The following RARB variants were observed in gnomAD, a reference collection of about 807,000 sequenced individuals.
RARB encodes the protein HBV-activated protein.
Under a neutral mutation model 51.9 loss-of-function variants are expected in RARB, and 17 were observed. The ratio of observed to expected loss-of-function variants is 0.33; its 90% CI spans 0.22 to 0.49. RARB has a LOEUF of 0.49. Among genes scored for constraint, RARB ranks in the 20% least tolerant of loss-of-function variants. The pLI is 0.99. For missense variants in RARB, 369 were observed against 550.8 expected, an observed-to-expected ratio of 0.67 and a Z score of 3.30; for synonymous variants, 215 against 195.4, an observed-to-expected ratio of 1.10 and a Z score of -0.84.
At chr3:25,449,228 C>T (rs921254974) in intron 1 of RARB, among the ~76,000 whole-genome samples, 3 of 152,010 alleles carry the variant, frequency 2.0e-5, no homozygotes, top group Non-Finnish European at 4.4e-5. Context: ...CCTTTGGAAT[C>T]TTGGTCTTAG....
chr3:25,214,541 G>C (rs1469774594), intron 5 of RARB, among the ~76,000 whole-genome samples: 1 of 152,300 alleles, frequency 6.6e-6, no homozygotes, highest in East Asian at 1.9e-4. Flanking sequence ...GTATAAGTCT[G>C]TATTTTTCAC....
chr3:25,405,929 C>T (rs79113274), intron 5 of RARB, among the ~76,000 whole-genome samples: 3,220 of 149,510 alleles, frequency 0.022, 64 homozygotes, highest in Non-Finnish European at 0.031. Context: ...TCCAGAGGGA[C>T]GGCATGAGCC....
At chr3:25,553,574 C>T (rs1164264785) in intron 3 of RARB, among the ~76,000 whole-genome samples, 1 of 152,172 alleles carries the variant, frequency 6.6e-6, no homozygotes, top group Non-Finnish European at 1.5e-5. Flanking sequence ...AGTGTTGCTT[C>T]CTAAGAATGT....
chr3:25,074,767 A>C (rs1156841323), intron 3 of RARB, among the ~76,000 whole-genome samples: 1 of 152,304 alleles, frequency 6.6e-6, no homozygotes, highest in Admixed American at 6.5e-5. Flanking sequence ...TGTGATTCCT[A>C]CCAGCCTCAC....
chr3:25,062,757 G>T (rs549981985), intron 3 of RARB, among the ~76,000 whole-genome samples: 1 of 151,880 alleles, frequency 6.6e-6, no homozygotes, highest in African/African-American at 2.4e-5. Flanking sequence ...CCTATGTTTG[G>T]GGCCAGTAGA....
At chr3:25,098,327 T>C (rs1699339162) in intron 3 of RARB, among the ~76,000 whole-genome samples, 1 of 151,088 alleles carries the variant, frequency 6.6e-6, no homozygotes, top group South Asian at 2.1e-4. Flanking sequence ...CATCCCTTAA[T>C]CATAGCTAGT....
chr3:25,276,578 C>A (rs1281953158), intron 5 of RARB, among the ~76,000 whole-genome samples: 1 of 152,128 alleles, frequency 6.6e-6, no homozygotes, highest in Non-Finnish European at 1.5e-5. Flanking sequence ...AATTCTCAGA[C>A]CATCAACTGT....
rs112806239 is a variant in RARB at position 24,896,246 on chromosome 3, A to G, written c.-380+37494A>G. 2.0e-3 allele frequency among the ~76,000 whole-genome samples: 301 copies of G among 151,918 alleles called. 1 individual carries two copies. The highest frequency in any genetic ancestry group is 2.9e-3 in the Non-Finnish European group (194 of 67,928). Reference sequence around the variant, plus strand: ...GAGTTATTATTTAACAGGTACAGAGATTTTTGGTGGTGGTGTTTTGTTTTT... The same window carrying G: ...GAGTTATTATTTAACAGGTACAGAGGTTTTTGGTGGTGGTGTTTTGTTTTT... On this transcript the variant is annotated intron_variant, in intron 2 of 11. Coordinates refer to the RARB transcript ENST00000383772.
chr3:25,018,314 A>G (rs1283321593), intron 2 of RARB, among the ~76,000 whole-genome samples: 1 of 152,200 alleles, frequency 6.6e-6, no homozygotes, highest in African/African-American at 2.4e-5. Flanking sequence ...TTGTGTGTTA[A>G]TTCTCTAAAG....
intron 5 of RARB, among the ~76,000 whole-genome samples, chr3:25,382,985 G>A (rs1706675235): frequency 6.6e-6 from 1 of 152,170 alleles, no homozygotes; most frequent in Non-Finnish European, 1.5e-5. Context: ...AATCCTCATG[G>A]AAGAACTAGA....
At chr3:25,312,391 T>C (rs891737239) in intron 5 of RARB, among the ~76,000 whole-genome samples, 7 of 152,162 alleles carry the variant, frequency 4.6e-5, no homozygotes, top group Non-Finnish European at 8.8e-5. Context: ...ACCTAAGATT[T>C]TGAGAAGTTA....
At chr3:24,905,328 T>C (rs1402512378) in intron 2 of RARB, among the ~76,000 whole-genome samples, 1 of 152,192 alleles carries the variant, frequency 6.6e-6, no homozygotes, top group African/African-American at 2.4e-5. Flanking sequence ...CTATGTCTTC[T>C]TGTTTGACTC....
At chr3:25,516,911 GCCACTGTGTCCAGCTT>G (rs1270798732) in intron 3 of RARB, among the ~76,000 whole-genome samples, 3 of 152,182 alleles carry the variant, frequency 2.0e-5, no homozygotes, top group Non-Finnish European at 4.4e-5. Context: ...ACAGGTGTGA[GCCACTGTGTCCAGCTT>G]CCTTGTCCCT....
At chr3:24,962,746 C>G (rs1039880013) in intron 2 of RARB, among the ~76,000 whole-genome samples, 2 of 152,142 alleles carry the variant, frequency 1.3e-5, no homozygotes, top group Non-Finnish European at 2.9e-5. Context: ...CATCCTAAAT[C>G]CACGAAAGCA....
At chr3:25,081,398 G>A (rs1698990935) in intron 3 of RARB, among the ~76,000 whole-genome samples, 1 of 150,614 alleles carries the variant, frequency 6.6e-6, no homozygotes. Flanking sequence ...TGTGGTTGTG[G>A]AATATAGTGC....
rs7626452 is a variant in RARB at position 25,182,906 on chromosome 3, A to G, written c.178+8331A>G. ...AATTTAAACACAGAGATAGAGACAC[A>G]TGTGAAGATTGGAGCTAGCTGCCAA... On this transcript the variant is annotated intron_variant, in intron 5 of 11. Coordinates refer to the RARB transcript ENST00000383772. Among the ~76,000 whole-genome samples, 1,449 of 152,254 alleles carry G rather than the reference A, an allele frequency of 9.5e-3. 21 individuals are homozygous for G. The highest frequency in any genetic ancestry group is 0.033 in the African/African-American group (1,387 of 41,552).
chr3:24,904,850 A>G (rs1479639166), intron 2 of RARB, among the ~76,000 whole-genome samples: 2 of 152,236 alleles, frequency 1.3e-5, no homozygotes, highest in East Asian at 3.9e-4. Flanking sequence ...TGATGAGTTC[A>G]TGTCCTTTGC....
At chr3:24,906,516 G>C (rs981372425) in intron 2 of RARB, among the ~76,000 whole-genome samples, 9 of 152,060 alleles carry the variant, frequency 5.9e-5, no homozygotes, top group Non-Finnish European at 1.5e-5. Flanking sequence ...TTTTGGGAAG[G>C]CTAACTTCTC....
chr3:25,000,734 G>T (rs1286544612), intron 2 of RARB, among the ~76,000 whole-genome samples: 4 of 152,122 alleles, frequency 2.6e-5, no homozygotes, highest in African/African-American at 7.2e-5. Flanking sequence ...CCCTCTAAGA[G>T]AAGTGGAGAA....
Sources: gnomAD v4.1 joint callset for allele counts (sites outside exome capture counted in the v4.1 genomes callset) on GRCh38, gnomAD v4.1.1 for gene constraint, MANE v1.5 for transcripts, NCBI Gene and HGNC (gene_info 2026-07-23, HGNC 2026-07-21) for gene names.